Variants in SLC60A1 observed in about 807,000 individuals in gnomAD.
SLC60A1 encodes solute carrier family 60 member 1, also known as major facilitator superfamily domain containing 4.
chr1:205,585,945 C>A, the SLC60A1 span: 1 of 1,434,294 alleles, frequency 7.0e-7, no homozygotes, highest in African/African-American at 1.4e-5. This position sits in a 1 kb window ranked among gnomAD's most constrained non-coding sequence, Gnocchi z 4.2. Context: ...CTCTGCCCTC[C>A]CCACACCTGC....
chr1:205,582,273 T>G, the SLC60A1 span, among the ~76,000 whole-genome samples: 87 of 152,350 alleles, frequency 5.7e-4, 4 homozygotes, highest in South Asian at 0.018. Context: ...TTGTTCTCTC[T>G]TGCCCCATGA....
At chr1:205,599,568 T>C in the SLC60A1 span, among the ~76,000 whole-genome samples, 4 of 152,204 alleles carry the variant, frequency 2.6e-5, no homozygotes, top group Admixed American at 2.6e-4. Context: ...CAAGAATCTC[T>C]TTCCAGCCTG....
chr1:205,569,474 GCCTC>G, the SLC60A1 span, among the ~76,000 whole-genome samples: 1,356 of 138,168 alleles, frequency 9.8e-3, 36 homozygotes, highest in Admixed American at 0.058. Context: ...CCGAAGAGCT[GCCTC>G]CCTCCCTCCC....
chr1:205,601,588 TTTG>T, the SLC60A1 span: 1 of 152,212 alleles, frequency 6.6e-6, no homozygotes, highest in East Asian at 1.9e-4. Flanking sequence ...TTTTTTTGTT[TTTG>T]TTTTTGTTTT....
the SLC60A1 span, among the ~76,000 whole-genome samples, chr1:205,581,586 A>ACCCCCATCC: frequency 1.3e-5 from 2 of 150,588 alleles, no homozygotes; most frequent in Non-Finnish European, 3.0e-5. The surrounding 1 kb of genome is among the most constrained non-coding windows in gnomAD (Gnocchi z 4.2). Flanking sequence ...GAGACCCCCT[A>ACCCCCATCC]CCCCCATCCA....
the SLC60A1 span, among the ~76,000 whole-genome samples, chr1:205,575,136 C>G: frequency 6.6e-6 from 1 of 152,182 alleles, no homozygotes; most frequent in Non-Finnish European, 1.5e-5. Context: ...CCCTTGTCTA[C>G]TGGTTTCTTG....
chr1:205,594,952 A>G, the SLC60A1 span: 3 of 152,190 alleles, frequency 2.0e-5, no homozygotes, highest in Non-Finnish European at 4.4e-5. Context: ...AGTCTGATGC[A>G]ACTGGTCCGG....
the SLC60A1 span, among the ~76,000 whole-genome samples, chr1:205,573,682 GAATAT>G: frequency 6.6e-6 from 1 of 152,048 alleles, no homozygotes. Flanking sequence ...GACTACTAAT[GAATAT>G]AAGATTTCTT....
the SLC60A1 span, among the ~76,000 whole-genome samples, chr1:205,574,750 G>A: frequency 2.7e-3 from 411 of 152,280 alleles, 3 homozygotes; most frequent in African/African-American, 9.6e-3. Flanking sequence ...AGAATTGAGG[G>A]AGAGGTGTTC....
At chr1:205,593,453 CAAAAAA>C in the SLC60A1 span, among the ~76,000 whole-genome samples, 3 of 83,524 alleles carry the variant, frequency 3.6e-5, no homozygotes, top group Non-Finnish European at 4.5e-5. Flanking sequence ...GACTCTGTCT[CAAAAAA>C]AAAAAAAAAA....
chr1:205,601,343 A>T, the SLC60A1 span: 1 of 152,184 alleles, frequency 6.6e-6, no homozygotes, highest in Non-Finnish European at 1.5e-5. Context: ...GGTAGCTTGA[A>T]ATCAGCCTGG....
chr1:205,580,666 C>T, the SLC60A1 span: 3 of 1,611,874 alleles, frequency 1.9e-6, no homozygotes, highest in East Asian at 2.2e-5. This position sits in a 1 kb window ranked among gnomAD's most constrained non-coding sequence, Gnocchi z 5.0. Context: ...CCCAGGTGCT[C>T]CATTTCTTCG....
At chr1:205,569,864 CCGGGTAGCCA>C in the SLC60A1 span, among the ~76,000 whole-genome samples, 1 of 152,132 alleles carries the variant, frequency 6.6e-6, no homozygotes, top group Admixed American at 6.5e-5. Context: ...GTCCCTTCCC[CCGGGTAGCCA>C]CGGGGTTTAG....
the SLC60A1 span, among the ~76,000 whole-genome samples, chr1:205,593,987 C>T: frequency 1.3e-5 from 2 of 152,220 alleles, no homozygotes; most frequent in Non-Finnish European, 2.9e-5. Flanking sequence ...TCAGGGCACA[C>T]TTGGTATAAA....
At chr1:205,588,655 A>G in the SLC60A1 span, among the ~76,000 whole-genome samples, 44 of 152,222 alleles carry the variant, frequency 2.9e-4, no homozygotes, top group African/African-American at 1.0e-3. Context: ...TCTCCTGTGT[A>G]GATGTGAAGT....
chr1:205,592,312 G>A, the SLC60A1 span: 1 of 1,597,804 alleles, frequency 6.3e-7, no homozygotes, highest in Non-Finnish European at 8.6e-7. Flanking sequence ...CGAGCCAGGA[G>A]GCGCGCTCTA....
chr1:205,589,493 CTTTT>C, the SLC60A1 span, among the ~76,000 whole-genome samples: 65 of 152,248 alleles, frequency 4.3e-4, 4 homozygotes, highest in East Asian at 0.013. Flanking sequence ...TTTCTTTTTT[CTTTT>C]TATTTTTTTG....
the SLC60A1 span, chr1:205,583,996 GC>G: frequency 6.2e-7 from 1 of 1,614,012 alleles, no homozygotes; most frequent in South Asian, 1.1e-5. Flanking sequence ...TGTCCAAGGA[GC>G]GGCTGCTGAC....
At chr1:205,585,102 C>A in the SLC60A1 span, 1 of 836,036 alleles carries the variant, frequency 1.2e-6, no homozygotes. The surrounding 1 kb of genome is among the most constrained non-coding windows in gnomAD (Gnocchi z 4.2). Flanking sequence ...GAGACTTCTC[C>A]TGGAGTACAC....
Sources: allele counts gnomAD v4.1 joint callset (sites outside exome capture counted in the v4.1 genomes callset), GRCh38; gene constraint gnomAD v4.1.1; non-coding constraint Gnocchi (gnomAD v3.1); transcripts MANE v1.5; gene names NCBI Gene and HGNC (gene_info 2026-07-23, HGNC 2026-07-21).